MGAT4A: variants seen among roughly 807,000 people sequenced by gnomAD.
The protein encoded by MGAT4A is N-acetylglucosaminyltransferase IVa.
Under a neutral mutation model 74.1 loss-of-function variants are expected in MGAT4A, and 33 were observed. The observed-to-expected ratio is 0.45, with a 90% confidence interval of 0.34 to 0.60. The LOEUF (loss-of-function observed/expected upper bound fraction) is 0.60. Ranked by LOEUF, MGAT4A falls within the 20% of genes least tolerant of loss-of-function variation. The pLI, the probability that MGAT4A is intolerant of heterozygous loss-of-function variation, is 0.02. For synonymous variants in MGAT4A, 198 were observed against 210.4 expected, an observed-to-expected ratio of 0.94 and a Z score of 0.51; for missense variants, 479 against 628.3, an observed-to-expected ratio of 0.76 and a Z score of 2.54.
intron 2 of MGAT4A, among the ~76,000 whole-genome samples, chr2:98,718,904 T>G (rs1246633679): frequency 6.6e-6 from 1 of 152,160 alleles, no homozygotes; most frequent in Non-Finnish European, 1.5e-5. Context: ...CACTTAGTGC[T>G]CAGCCCCTAG....
chr2:98,679,893 T>G (rs571450685), intron 2 of MGAT4A, among the ~76,000 whole-genome samples: 40 of 152,276 alleles, frequency 2.6e-4, no homozygotes, highest in Admixed American at 2.1e-3. Context: ...TTTACTTGCC[T>G]GGAGGTACTG....
Position 98,636,576 on chromosome 2 carries a change from T to C in MGAT4A, c.1342A>G (p.Asn448Asp). Residue 448 changes from asparagine to aspartate, a missense_variant, in exon 13 of 16, where the codon AAC (asparagine) becomes GAC (aspartate). Physicochemically the swap from Asn to Asp is conservative, Grantham distance 23. Coordinates refer to ENST00000393487, the MANE Select transcript of MGAT4A (RefSeq NM_012214.3). ...AGAATATCTCCAGGATGTTCTTGGT[T>C]GCCGCTATGGAACAAATAACTGAAA... is the stretch of plus-strand genomic sequence containing the variant. ...NVESYLFHSG[N>D]QEHPGDILLN... 6.2e-7 allele frequency: 1 copy of C among 1,613,798 alleles called. No individual in the cohort carries two copies. Among genetic ancestry groups the C allele is most frequent in the Non-Finnish European group, 8.5e-7 (1 of 1,179,750 alleles).
At chr2:98,682,422 CAAAAAAAA>C (rs1013377462) in intron 2 of MGAT4A, among the ~76,000 whole-genome samples, 2 of 36,456 alleles carry the variant, frequency 5.5e-5, no homozygotes, top group Non-Finnish European at 9.6e-5. Context: ...AATTCCATCT[CAAAAAAAA>C]AAAAAAAAAA....
intron 2 of MGAT4A, among the ~76,000 whole-genome samples, chr2:98,711,465 G>A (rs922902628): frequency 2.0e-5 from 3 of 151,880 alleles, no homozygotes; most frequent in African/African-American, 7.3e-5. Flanking sequence ...ATAAAAATGA[G>A]AATTACTATT....
Position 98,641,606 on chromosome 2 carries a change from G to A in MGAT4A, c.1021-1378C>T, listed in dbSNP as rs543645921. ...CAGGAGAATGGCGTGAACACGGGAG[G>A]CGGAGCTTGCAGTGAGCCGAGATCG... is the stretch of plus-strand genomic sequence containing the variant. On this transcript the variant is annotated intron_variant, in intron 10 of 15. Transcript: ENST00000393487. Among the ~76,000 whole-genome samples the A allele has an allele frequency of 4.2e-3, 636 of 151,694 alleles. 1 individual carries two copies. The highest frequency in any genetic ancestry group is 5.7e-3 in the Non-Finnish European group (384 of 67,878).
intron 2 of MGAT4A, among the ~76,000 whole-genome samples, chr2:98,713,210 G>GT (rs35290019): frequency 0.051 from 5,145 of 100,178 alleles, 336 homozygotes; most frequent in African/African-American, 0.17. Context: ...AAAAAAAAAA[G>GT]CCGTTTATCT....
At chr2:98,702,492 G>A (rs1702367696) in intron 2 of MGAT4A, among the ~76,000 whole-genome samples, 1 of 152,220 alleles carries the variant, frequency 6.6e-6, no homozygotes, top group African/African-American at 2.4e-5. Flanking sequence ...GAGGCTCTGA[G>A]CATGCACAGC....
chr2:98,706,958 G>A lies in MGAT4A; in HGVS notation c.94+19281C>T, dbSNP rs576869000. 1.3e-3 allele frequency among the ~76,000 whole-genome samples: 191 copies of A among 151,772 alleles called. 1 individual carries two copies. Among genetic ancestry groups the A allele is most frequent in the African/African-American group, 4.5e-3 (185 of 41,396 alleles). On this transcript the variant is annotated intron_variant, in intron 2 of 15. Coordinates refer to ENST00000393487, the MANE Select transcript of MGAT4A (RefSeq NM_012214.3). ...GGGCTGGGCACGGTGGCTTATGCCT[G>A]TTATCCCAGCACTTTGGGAGGCCAA...
chr2:98,648,737 A>AGC (rs1701533782), intron 8 of MGAT4A, among the ~76,000 whole-genome samples: 1 of 150,610 alleles, frequency 6.6e-6, no homozygotes, highest in Non-Finnish European at 1.5e-5. Context: ...AAAAAAAAAA[A>AGC]GCTCACTGAC....
At chr2:98,709,116 T>C (rs892573796) in intron 2 of MGAT4A, among the ~76,000 whole-genome samples, 2 of 152,174 alleles carry the variant, frequency 1.3e-5, no homozygotes, top group African/African-American at 4.8e-5. Context: ...ATTGCCTGAG[T>C]GTCTTCATGT....
chr2:98,632,879 CCTA>C (rs1366432821), intron 14 of MGAT4A, among the ~76,000 whole-genome samples: 1 of 152,230 alleles, frequency 6.6e-6, no homozygotes, highest in Non-Finnish European at 1.5e-5. Context: ...CCAGCCTCAG[CCTA>C]CTAAGTAGCT....
At chr2:98,729,443 C>T (rs1702812731) in intron 1 of MGAT4A, among the ~76,000 whole-genome samples, 1 of 152,092 alleles carries the variant, frequency 6.6e-6, no homozygotes, top group African/African-American at 2.4e-5. Context: ...ACACAGGTGA[C>T]CCACATTTTT....
chr2:98,664,200 CAAAAAAAAAAAAAAAA>C (rs57981145), intron 4 of MGAT4A, among the ~76,000 whole-genome samples: 1,173 of 51,572 alleles, frequency 0.023, 32 homozygotes, highest in African/African-American at 0.073. Flanking sequence ...GATTCCATCT[CAAAAAAAAAAAAAAAA>C]AAAAAAAAAA....
chr2:98,644,691 G>A lies in MGAT4A; in HGVS notation c.890-638C>T, dbSNP rs564102819. On this transcript the variant is annotated intron_variant, in intron 9 of 15. Transcript: ENST00000393487. ...TCTCGTCCCCAAGGCTGGAATGCAG[G>A]GGCGCGATCTCAGCTCACTACAACC... Among the ~76,000 whole-genome samples, 386 of 151,720 alleles carry A rather than the reference G, an allele frequency of 2.5e-3. 2 individuals are homozygous for A. The highest frequency in any genetic ancestry group is 4.4e-3 in the Non-Finnish European group (300 of 67,922).
chr2:98,681,233 A>G (rs1276025636), intron 2 of MGAT4A, among the ~76,000 whole-genome samples: 2 of 152,138 alleles, frequency 1.3e-5, no homozygotes, highest in African/African-American at 4.8e-5. Context: ...CGCCCGCCTC[A>G]GCCTCCCAAA....
At chr2:98,730,010 G>C (rs1702822155) in intron 1 of MGAT4A, among the ~76,000 whole-genome samples, 1 of 152,188 alleles carries the variant, frequency 6.6e-6, no homozygotes, top group African/African-American at 2.4e-5. Flanking sequence ...TCTATGTCAA[G>C]ATAACCTGTT....
intron 2 of MGAT4A, among the ~76,000 whole-genome samples, chr2:98,704,541 G>A (rs904214174): frequency 3.9e-5 from 6 of 152,128 alleles, no homozygotes; most frequent in African/African-American, 7.2e-5. Context: ...TCAGGAGCCC[G>A]AGGCTGCAGT....
chr2:98,726,216 A>G, intron 2 of MGAT4A, 23 bp downstream of exon 2: 1 of 1,601,222 alleles, frequency 6.2e-7, no homozygotes, highest in African/African-American at 1.3e-5. Context: ...TTTCATGCAC[A>G]TTTTCCGAGT....
chr2:98,660,459 A>AC (rs1701732561), intron 5 of MGAT4A, among the ~76,000 whole-genome samples: 1 of 108,052 alleles, frequency 9.3e-6, no homozygotes, highest in Admixed American at 9.4e-5. Flanking sequence ...CACACACACA[A>AC]CAAATAGCCA....
Sources: allele counts gnomAD v4.1 joint callset (sites outside exome capture counted in the v4.1 genomes callset), GRCh38; gene constraint gnomAD v4.1.1; transcripts MANE v1.5; gene names NCBI Gene and HGNC (gene_info 2026-07-23, HGNC 2026-07-21).